PFKP: variants seen among roughly 807,000 people sequenced by gnomAD.
PFKP encodes phosphofructokinase, platelet, also known as ATP-dependent 6-phosphofructokinase, platelet type.
In PFKP, 101 loss-of-function variants were observed where a neutral mutation model predicts 94.3. That is an observed-to-expected ratio of 1.07 (90% CI 0.91 to 1.26). The LOEUF is 1.26. PFKP is among the 50% of genes most tolerant of loss of function. The pLI is 0.00. For synonymous variants in PFKP, 573 were observed against 432.6 expected (o/e 1.32, Z -4.03); for missense variants, 1,145 against 1,103.3 (o/e 1.04, Z -0.53).
intron 5 of PFKP, chr10:3,104,629 G>GT (rs1173604117): frequency 9.4e-6 from 2 of 211,940 alleles, no homozygotes; most frequent in East Asian, 3.3e-4. Flanking sequence ...AAATCACCGA[G>GT]TTGGAAGGCT....
chr10:3,118,229 G>A (rs1356267988), intron 14 of PFKP, among the ~76,000 whole-genome samples: 7 of 152,188 alleles, frequency 4.6e-5, no homozygotes, highest in Admixed American at 4.6e-4. Context: ...AGCACTCTGG[G>A]AGGCTGAGGC....
chr10:3,068,854 T>A, intron 1 of PFKP: 1 of 263,794 alleles, frequency 3.8e-6, no homozygotes, highest in Non-Finnish European at 5.9e-6. Flanking sequence ...CGGTTCCTCC[T>A]GCCGCAGATG....
intron 4 of PFKP, among the ~76,000 whole-genome samples, chr10:3,102,589 T>A (rs1042134896): frequency 6.6e-6 from 1 of 152,026 alleles, no homozygotes; most frequent in African/African-American, 2.4e-5. Flanking sequence ...TTTTTAAAAT[T>A]TTTTTATTTA....
rs920711012 is a variant in PFKP at position 3,112,142 on chromosome 10, C to T, written c.1090-80C>T. Reference sequence around the variant, plus strand: ...ACTGGAGGGGGCTGGTGGGAAGGACCGAGCCAGTCTCTACCTACCCCATCC... The same window carrying T: ...ACTGGAGGGGGCTGGTGGGAAGGACTGAGCCAGTCTCTACCTACCCCATCC... On this transcript the variant is annotated intron_variant, in intron 10 of 21. Coordinates refer to ENST00000381125, the MANE Select transcript of PFKP (RefSeq NM_002627.5). 2.9e-5 allele frequency: 34 copies of T among 1,166,050 alleles called. No homozygotes were observed. In the Admixed American group the frequency reaches 3.2e-4, roughly 11 times the overall value. The allele number at this position is 1,166,050 out of a possible 1,614,324, so 72.2% of individuals were successfully genotyped here. A position where few individuals can be genotyped will look rare whatever the true frequency, so the allele number is the denominator to read the frequency against.
chr10:3,111,569 C>T (rs1015338754), intron 10 of PFKP, among the ~76,000 whole-genome samples: 2 of 152,144 alleles, frequency 1.3e-5, no homozygotes, highest in Non-Finnish European at 2.9e-5. Flanking sequence ...TGCTGTTTGT[C>T]AGGCGTCTTC....
intron 10 of PFKP, 25 bp from the exon 11 acceptor site, chr10:3,112,197 C>G: frequency 6.3e-7 from 1 of 1,599,498 alleles, no homozygotes; most frequent in Non-Finnish European, 8.6e-7. Context: ...CACATTCTTT[C>G]TTCTTTTCAT....
rs1408499752 is a variant in PFKP, at chr10:3,099,202, A to G, written c.187-73A>G. The G allele has an allele frequency of 4.2e-6, 5 of 1,201,652 alleles. No homozygotes were observed. In the Admixed American group the frequency reaches 6.8e-5, roughly 16 times the overall value. The allele number at this position is 1,201,652 out of a possible 1,614,324, so 74.4% of individuals were successfully genotyped here. A position where few individuals can be genotyped will look rare whatever the true frequency, so the allele number is the denominator to read the frequency against. Reference sequence around the variant, plus strand: ...CATTCACTGTCATTTTTCCCGTTTTATATAATTTAAGGATCACTTCCCATT... The same window carrying G: ...CATTCACTGTCATTTTTCCCGTTTTGTATAATTTAAGGATCACTTCCCATT... On this transcript the variant is annotated intron_variant, in intron 2 of 21. Transcript: ENST00000381125.
At position 3,136,755 on chromosome 10, in the gene PFKP, A is replaced by C. The variant is rs951854328; in HGVS notation, c.*176A>C. 42 of 578,420 alleles carry C rather than the reference A, an allele frequency of 7.3e-5. No homozygotes were observed. The highest frequency in any genetic ancestry group is 1.9e-5 in the African/African-American group (1 of 52,322). The allele number at this position is 578,420 out of a possible 1,614,324, so 35.8% of individuals were successfully genotyped here. Reference sequence around the variant, plus strand: ...TCTGTGGAGTGTGTCTCATGCTTTCAGATGTGCATATGAGCAGAATTAATT... The same window carrying C: ...TCTGTGGAGTGTGTCTCATGCTTTCCGATGTGCATATGAGCAGAATTAATT... On this transcript the variant is annotated 3_prime_UTR_variant, in exon 22 of 22. Coordinates refer to ENST00000381125, the MANE Select transcript of PFKP (RefSeq NM_002627.5).
In PFKP at chr10:3,134,350, G is replaced by A. The variant is rs1021313866; in HGVS notation, c.2023-133G>A. The A allele has an allele frequency of 7.0e-5, 45 of 638,520 alleles. No individual in the cohort carries two copies. The African/African-American group carries it at 7.5e-4, about 11-fold the overall frequency. 39.6% of individuals were successfully genotyped at this position (638,520 alleles called of 1,614,324 possible). A position where few individuals can be genotyped will look rare whatever the true frequency, so the allele number is the denominator to read the frequency against. ...CCAAGTTCAGGCTACGGGAATCACA[G>A]GTTTTGTTCTGTTCCAACTATAAGG... On this transcript the variant is annotated intron_variant, in intron 19 of 21. Coordinates refer to ENST00000381125, the MANE Select transcript of PFKP (RefSeq NM_002627.5).
intron 2 of PFKP, among the ~76,000 whole-genome samples, chr10:3,096,245 C>T (rs1031100379): frequency 6.6e-6 from 1 of 152,150 alleles, no homozygotes; most frequent in African/African-American, 2.4e-5. Flanking sequence ...CAGGAATACT[C>T]TGAAAGCTGA....
chr10:3,108,614 C>G, intron 8 of PFKP, 87 bp from the exon 9 acceptor site: 1 of 978,994 alleles, frequency 1.0e-6, no homozygotes. Flanking sequence ...AGCGAAAAAC[C>G]TTTTCCAGTG....
At chr10:3,116,578 C>T (rs1035659265) in intron 13 of PFKP, among the ~76,000 whole-genome samples, 198 bp from the exon 14 acceptor site, 3 of 152,190 alleles carry the variant, frequency 2.0e-5, no homozygotes, top group Admixed American at 6.5e-5. Context: ...CCCTCTGCTG[C>T]TCTTCATGAG....
chr10:3,080,794 T>G (rs960346295), intron 1 of PFKP, among the ~76,000 whole-genome samples: 2 of 152,156 alleles, frequency 1.3e-5, no homozygotes, highest in Admixed American at 6.5e-5. Context: ...ACAGTGTGGC[T>G]CATGTCAGAG....
In PFKP at chr10:3,136,788, T is replaced by A. The variant is rs1262171995; in HGVS notation, c.*209T>A. On this transcript the variant is annotated 3_prime_UTR_variant, in exon 22 of 22. Transcript: ENST00000381125. ...ATATGAGCAGAATTAATTAAACATT[T>A]GCCTATGACTCCAACAGTCCTCTGT... is the stretch of plus-strand genomic sequence containing the variant. 11 of 476,222 alleles carry A rather than the reference T, an allele frequency of 2.3e-5. No individual in the cohort carries two copies. Among genetic ancestry groups the A allele is most frequent in the Non-Finnish European group, 4.2e-5 (11 of 263,328 alleles). 29.5% of individuals were successfully genotyped at this position (476,222 alleles called of 1,614,324 possible). A position where few individuals can be genotyped will look rare whatever the true frequency, so the allele number is the denominator to read the frequency against.
rs774367252 is a variant in PFKP, at chr10:3,113,517, A to C, written c.1370A>C (p.Gln457Pro). The C allele has an allele frequency of 5.6e-6, 9 of 1,612,080 alleles. No individual in the cohort carries two copies. In the South Asian group the frequency reaches 8.8e-5, roughly 16 times the overall value. ...GGCTTTGACGGCTTCGCCAAGGGCC[A>C]GGTGAGTCACCCAGGATGCCGTAGG... Reference protein sequence around the residue: ...YDGFDGFAKGQIKEIGWTDVG... With the variant: ...YDGFDGFAKGPIKEIGWTDVG... The change falls in exon 13 of 22, where the codon CAG becomes CCG. Residue 457 changes from glutamine (Q) to proline (P), a missense_variant and splice_region_variant. Gln to Pro is a moderately conservative substitution (Grantham distance 76). This residue lies in a region of PFKP where 1,119 missense variants were observed against 1,062.8 expected (regional missense o/e 1.05). Transcript: ENST00000381125.
chr10:3,068,572 G>A, intron 1 of PFKP: 1 of 670,690 alleles, frequency 1.5e-6, no homozygotes, highest in African/African-American at 1.9e-5. Flanking sequence ...TGTGGAAGCT[G>A]CTCTCTAGGA....
intron 16 of PFKP, 116 bp downstream of exon 16, chr10:3,120,160 G>T: frequency 5.0e-6 from 4 of 799,262 alleles, no homozygotes; most frequent in Non-Finnish European, 6.0e-6. Flanking sequence ...CTGAATGAGA[G>T]CTTCTCGTTC....
chr10:3,130,090 G>A (rs886961510), intron 17 of PFKP, 107 bp downstream of exon 17: 2 of 1,006,054 alleles, frequency 2.0e-6, no homozygotes, highest in South Asian at 1.7e-5. Context: ...GCATGGAGAT[G>A]GAGATGCTAC....
intron 16 of PFKP, chr10:3,129,510 T>G: frequency 2.8e-6 from 1 of 363,090 alleles, no homozygotes; most frequent in Non-Finnish European, 5.1e-6. Flanking sequence ...TGAGCTGGCT[T>G]GTGGGGTCGT....
Sources: allele counts gnomAD v4.1 joint callset (sites outside exome capture counted in the v4.1 genomes callset), GRCh38; gene constraint gnomAD v4.1.1; regional missense constraint gnomAD v4.1.1; transcripts MANE v1.5; gene names NCBI Gene and HGNC (gene_info 2026-07-23, HGNC 2026-07-21).